NUP155: variants seen among roughly 807,000 people sequenced by gnomAD.
NUP155 encodes the protein nucleoporin 155, also known as nuclear pore complex protein Nup155.
A neutral mutation model predicts 180.4 loss-of-function variants in NUP155; 71 were observed. That is an observed-to-expected ratio of 0.39 (90% CI 0.33 to 0.48). NUP155 has a LOEUF of 0.48. Ranked by LOEUF, NUP155 falls within the 20% of genes least tolerant of loss-of-function variation. The pLI is 0.91. For missense variants in NUP155, 1,553 were observed against 1,648.9 expected (o/e 0.94, Z 1.01); for synonymous variants, 582 against 559.5 (o/e 1.04, Z -0.57).
At position 37,365,738 on chromosome 5, in the gene NUP155, A is replaced by AAAAAAAT. The variant is rs1561818758; in HGVS notation, c.158-1355_158-1354insATTTTTT. ...GAAAAAAAAAAAAAAAAAAAAAAAA[A>AAAAAAAT]ATATATATATATATACACACACACA... On this transcript the variant is annotated intron_variant, in intron 1 of 34. Transcript: ENST00000231498. 4.3e-4 allele frequency among the ~76,000 whole-genome samples: 16 copies of AAAAAAAT among 37,144 alleles called. 2 individuals carry two copies. The highest frequency in any genetic ancestry group is 1.6e-3 in the South Asian group (1 of 638). 24.4% of individuals were successfully genotyped at this position (37,144 alleles called of 152,430 possible).
intron 32 of NUP155, among the ~76,000 whole-genome samples, chr5:37,297,973 A>G (rs1320386192): frequency 6.6e-6 from 1 of 151,832 alleles, no homozygotes; most frequent in Non-Finnish European, 1.5e-5. Context: ...CACAGTGGCG[A>G]ACGCCTTTAA....
intron 25 of NUP155, among the ~76,000 whole-genome samples, chr5:37,306,471 T>C (rs1743162155): frequency 6.6e-6 from 1 of 152,130 alleles, no homozygotes; most frequent in Admixed American, 6.6e-5. Context: ...AGGTTATATA[T>C]TTCTTCTTTG....
In NUP155 at chr5:37,288,747, T is replaced by TAAAAAAAAAAA. The variant is rs1224427809; in HGVS notation, c.*3142_*3152dup. ...GAGATCTTTTGGCTACACAAAAAAT[T>TAAAAAAAAAAA]AAAAAAAAAAAAAAAAAAAAAGTAG... On this transcript the variant is annotated 3_prime_UTR_variant, in exon 35 of 35. Transcript: ENST00000231498. The TAAAAAAAAAAA allele has an allele frequency of 1.6e-5, 1 of 61,632 alleles. No homozygotes were observed. The highest frequency in any genetic ancestry group is 2.7e-4 in the Admixed American group (1 of 3,670). 3.8% of individuals were successfully genotyped at this position (61,632 alleles called of 1,614,324 possible).
intron 29 of NUP155, 86 bp downstream of exon 29, chr5:37,302,693 A>C: frequency 1.5e-6 from 2 of 1,363,514 alleles, no homozygotes; most frequent in Non-Finnish European, 2.1e-6. Context: ...TCTCAGACCT[A>C]TTACTTACCA....
chr5:37,310,312 T>G (rs200410958), intron 23 of NUP155, among the ~76,000 whole-genome samples: 1 of 151,856 alleles, frequency 6.6e-6, no homozygotes, highest in Non-Finnish European at 1.5e-5. Flanking sequence ...AGCAACAGAG[T>G]GAAACCCTGT....
intron 1 of NUP155, among the ~76,000 whole-genome samples, chr5:37,364,726 T>C (rs1256391186): frequency 6.6e-6 from 1 of 151,522 alleles, no homozygotes; most frequent in Admixed American, 6.6e-5. Context: ...AAGCTCCACC[T>C]CCCGGGTTCA....
At chr5:37,302,507 T>C (rs1742919330) in intron 29 of NUP155, among the ~76,000 whole-genome samples, 1 of 152,216 alleles carries the variant, frequency 6.6e-6, no homozygotes. Context: ...GTGCTGGGAT[T>C]ACAGGCGTGA....
intron 1 of NUP155, among the ~76,000 whole-genome samples, chr5:37,365,408 C>A (rs938673539): frequency 6.6e-6 from 1 of 151,260 alleles, no homozygotes; most frequent in East Asian, 2.0e-4. Flanking sequence ...ATCTCATGCA[C>A]CACATAAATA....
At position 37,292,016 on chromosome 5, in the gene NUP155, G is replaced by C. The variant is rs35260031; in HGVS notation, c.4060C>G (p.Leu1354Val). 4.9e-5 allele frequency: 79 copies of C among 1,614,052 alleles called. No homozygotes were observed. The African/African-American group carries it at 9.7e-4, about 20-fold the overall frequency. The part of the protein sequence containing the change: ...CERRRFTNLC[L>V]DAVCGYLVEL... ...ACAAGGTAACCACAAACAGCATCCA[G>C]GCAGAGATTTGTAAATCTTCTCCTA... is the stretch of plus-strand genomic sequence containing the variant. The change falls in exon 35 of 35, where the codon CTG becomes GTG. Residue 1354 changes from leucine (L) to valine (V), a missense_variant. Transcript: ENST00000231498.
intron 14 of NUP155, among the ~76,000 whole-genome samples, chr5:37,331,346 G>GGGCGGATCACCTGAGGTC (rs1387029389): frequency 9.2e-5 from 14 of 152,258 alleles, no homozygotes; most frequent in Non-Finnish European, 2.9e-5. Context: ...AGGCCGAGGT[G>GGGCGGATCACCTGAGGTC]GGCGGATCAC....
chr5:37,331,253 T>C (rs977001251), intron 14 of NUP155, among the ~76,000 whole-genome samples: 6 of 152,050 alleles, frequency 3.9e-5, no homozygotes, highest in African/African-American at 1.4e-4. Context: ...TACAGTGACT[T>C]AGGCAAAGAA....
chr5:37,334,500 C>T (rs1561793316), intron 12 of NUP155, among the ~76,000 whole-genome samples: 1 of 152,048 alleles, frequency 6.6e-6, no homozygotes, highest in Non-Finnish European at 1.5e-5. Context: ...CCTGCCTCAG[C>T]CTTCCGAGTA....
chr5:37,315,036 G>A (rs1390825512), intron 21 of NUP155, among the ~76,000 whole-genome samples: 2 of 151,920 alleles, frequency 1.3e-5, no homozygotes, highest in Non-Finnish European at 2.9e-5. Flanking sequence ...GTTCAAGACC[G>A]GCCTGGCCAA....
intron 18 of NUP155, 73 bp downstream of exon 18, chr5:37,327,556 C>G (rs1744681834): frequency 9.1e-6 from 14 of 1,532,692 alleles, no homozygotes; most frequent in African/African-American, 1.4e-5. Context: ...GTCCCAAATT[C>G]AGAGTTAAAA....
intron 20 of NUP155, among the ~76,000 whole-genome samples, chr5:37,322,508 C>T (rs1272244032): frequency 2.0e-5 from 3 of 151,920 alleles, no homozygotes; most frequent in Non-Finnish European, 2.9e-5. Flanking sequence ...GAGATCGAGA[C>T]CATCCTGGCT....
At chr5:37,297,960 G>A (rs538960582) in intron 32 of NUP155, among the ~76,000 whole-genome samples, 2 of 151,740 alleles carry the variant, frequency 1.3e-5, no homozygotes, top group East Asian at 1.9e-4. Flanking sequence ...AAATTAGGCT[G>A]GGCACAGTGG....
At chr5:37,344,629 A>G (rs1438701496) in intron 9 of NUP155, among the ~76,000 whole-genome samples, 3 of 151,934 alleles carry the variant, frequency 2.0e-5, no homozygotes, top group African/African-American at 7.2e-5. Context: ...AGCCAGGCGC[A>G]GTGGCTCACG....
chr5:37,292,902 G>T lies in NUP155; in HGVS notation c.4014C>A (p.Pro1338=). 6.2e-7 allele frequency: 1 copy of T among 1,609,344 alleles called. No homozygotes were observed. Among genetic ancestry groups the T allele is most frequent in the South Asian group, 1.1e-5 (1 of 90,930 alleles). Residue 1338 remains proline (P), a synonymous_variant, in exon 34 of 35, where the codon CCC becomes CCA. Coordinates refer to ENST00000231498, the MANE Select transcript of NUP155 (RefSeq NM_153485.3). ...ACCTTTCACAATTTAAAACTTGGCTGGGATTCTCAACATATCTTATCAATA... is the reference window on the plus strand; with the variant it reads ...ACCTTTCACAATTTAAAACTTGGCTTGGATTCTCAACATATCTTATCAATA... ...HVLLIRYVEN[P]SQVLNCERRR...
intron 32 of NUP155, among the ~76,000 whole-genome samples, chr5:37,295,540 G>A (rs1742492111): frequency 1.3e-5 from 2 of 150,230 alleles, no homozygotes; most frequent in Admixed American, 6.6e-5. Context: ...CCTCTGCCTG[G>A]CTGCCCAGTC....
Sources: allele counts gnomAD v4.1 joint callset (sites outside exome capture counted in the v4.1 genomes callset), GRCh38; gene constraint gnomAD v4.1.1; transcripts MANE v1.5; gene names NCBI Gene and HGNC (gene_info 2026-07-23, HGNC 2026-07-21).